The following TTLL4 variants were observed in gnomAD, a reference collection of about 807,000 sequenced individuals.
TTLL4 encodes tubulin monoglutamylase TTLL4.
Under a neutral mutation model 122.7 loss-of-function variants are expected in TTLL4, and 85 were observed. That is an observed-to-expected ratio of 0.69 (90% confidence interval 0.58 to 0.83). TTLL4 has a LOEUF of 0.83. TTLL4 is among the 40% of genes least tolerant of loss of function. The pLI is 0.00. For synonymous variants in TTLL4, 553 were observed against 563.0 expected (o/e 0.98, Z 0.25); for missense variants, 1,363 against 1,488.6 (o/e 0.92, Z 1.39).
intron 2 of TTLL4, among the ~76,000 whole-genome samples, chr2:218,737,239 A>G (rs994746083): frequency 7.2e-5 from 11 of 152,038 alleles, no homozygotes; most frequent in African/African-American, 2.7e-4. Context: ...CCCCTCATGG[A>G]AAGTTGTGGG....
intron 1 of TTLL4, among the ~76,000 whole-genome samples, chr2:218,723,759 C>A (rs1226723513): frequency 6.6e-6 from 1 of 152,104 alleles, no homozygotes; most frequent in African/African-American, 2.4e-5. Context: ...AATAACTGGT[C>A]TGTATTCTTC....
chr2:218,746,962 C>T, intron 8 of TTLL4, 41 bp from the exon 9 acceptor site: 1 of 1,598,268 alleles, frequency 6.3e-7, no homozygotes, highest in Non-Finnish European at 8.5e-7. Context: ...CATGGCCTCA[C>T]CTCTGCCCTC....
intron 1 of TTLL4, among the ~76,000 whole-genome samples, chr2:218,716,637 AAAT>A (rs1941867190): frequency 6.6e-6 from 1 of 152,098 alleles, no homozygotes; most frequent in Non-Finnish European, 1.5e-5. Context: ...AAAATACAAA[AAAT>A]TAGCCGGGCG....
intron 1 of TTLL4, among the ~76,000 whole-genome samples, chr2:218,723,758 T>C (rs2106402084): frequency 6.6e-6 from 1 of 152,290 alleles, no homozygotes; most frequent in East Asian, 1.9e-4. Context: ...GAATAACTGG[T>C]CTGTATTCTT....
At chr2:218,746,810 TG>T in intron 8 of TTLL4, 192 bp from the exon 9 acceptor site, 2 of 611,956 alleles carry the variant, frequency 3.3e-6, no homozygotes, top group Non-Finnish European at 5.7e-6. Flanking sequence ...TACTCTGTTT[TG>T]TCTGTGTTTT....
In TTLL4 at chr2:218,727,287, C is replaced by T. The variant is rs913000562; in HGVS notation, c.-159C>T. 5 of 152,162 alleles carry T rather than the reference C, an allele frequency of 3.3e-5. No homozygotes were observed. Among genetic ancestry groups the T allele is most frequent in the African/African-American group, 1.2e-4 (5 of 41,436 alleles). 9.4% of individuals were successfully genotyped at this position (152,162 alleles called of 1,614,324 possible). A position where few individuals can be genotyped will look rare whatever the true frequency, so the allele number is the denominator to read the frequency against. The stretch of plus-strand genomic sequence containing the variant: ...TTTTCAGATAGACTGTCTTCAAGCT[C>T]ACTGATATTTTCCTCTGCTTGATCC... On this transcript the variant is annotated 5_prime_UTR_variant, in exon 2 of 20. Coordinates refer to ENST00000392102, the MANE Select transcript of TTLL4 (RefSeq NM_014640.5).
At chr2:218,746,081 C>A in intron 7 of TTLL4, 74 bp from the exon 8 acceptor site, 1 of 1,559,996 alleles carries the variant, frequency 6.4e-7, no homozygotes, top group Non-Finnish European at 8.8e-7. Flanking sequence ...CTGCCCAGTT[C>A]TGGGGCCTCT....
chr2:218,732,385 C>T (rs1222876408), intron 2 of TTLL4, among the ~76,000 whole-genome samples: 1 of 152,064 alleles, frequency 6.6e-6, no homozygotes, highest in African/African-American at 2.4e-5. Flanking sequence ...CTTTTGGATC[C>T]TAGAGGCGCA....
intron 2 of TTLL4, among the ~76,000 whole-genome samples, chr2:218,730,688 C>T (rs1942356786): frequency 6.6e-6 from 1 of 152,156 alleles, no homozygotes; most frequent in Admixed American, 6.5e-5. Flanking sequence ...TACTTTTTGG[C>T]AGCACAAAAT....
chr2:218,721,070 CCATCCCTTGCCCT>C (rs1942025798), intron 1 of TTLL4, among the ~76,000 whole-genome samples: 1 of 152,188 alleles, frequency 6.6e-6, no homozygotes, highest in South Asian at 2.1e-4. Context: ...GCCCTTTTCC[CCATCCCTTGCCCT>C]ATGCATCATG....
intron 5 of TTLL4, among the ~76,000 whole-genome samples, chr2:218,743,546 C>T (rs1445362759): frequency 6.6e-6 from 1 of 152,164 alleles, no homozygotes; most frequent in Non-Finnish European, 1.5e-5. Flanking sequence ...AAGTCTTCAT[C>T]TCTCTGGGAT....
intron 14 of TTLL4, 61 bp from the exon 15 acceptor site, chr2:218,749,948 A>T: frequency 1.9e-6 from 3 of 1,589,394 alleles, no homozygotes; most frequent in Non-Finnish European, 2.6e-6. Flanking sequence ...TGAGTTGCAC[A>T]TATGACCAGA....
At chr2:218,723,747 A>G (rs1367791066) in intron 1 of TTLL4, among the ~76,000 whole-genome samples, 1 of 152,226 alleles carries the variant, frequency 6.6e-6, no homozygotes, top group African/African-American at 2.4e-5. Context: ...TTCATTCTTT[A>G]GAATAACTGG....
At chr2:218,729,991 A>G (rs1199165524) in intron 2 of TTLL4, among the ~76,000 whole-genome samples, 3 of 152,048 alleles carry the variant, frequency 2.0e-5, no homozygotes, top group Non-Finnish European at 2.9e-5. Flanking sequence ...TGATCCTTCT[A>G]TTTCATCTTC....
chr2:218,746,089 T>C (rs1942834352), intron 7 of TTLL4, 66 bp from the exon 8 acceptor site: 3 of 1,584,518 alleles, frequency 1.9e-6, no homozygotes, highest in Non-Finnish European at 2.6e-6. Flanking sequence ...TTCTGGGGCC[T>C]CTGGGCCTCT....
intron 14 of TTLL4, 48 bp from the exon 15 acceptor site, chr2:218,749,961 C>A: frequency 6.2e-7 from 1 of 1,601,214 alleles, no homozygotes; most frequent in Non-Finnish European, 8.5e-7. Flanking sequence ...TGACCAGAGA[C>A]TGTTTCGGAG....
intron 1 of TTLL4, among the ~76,000 whole-genome samples, chr2:218,719,061 G>A (rs947111141): frequency 1.3e-5 from 2 of 152,018 alleles, no homozygotes; most frequent in Admixed American, 6.5e-5. Flanking sequence ...TAACAGTTTT[G>A]TGGAGGTATA....
At chr2:218,725,323 G>A (rs1436965596) in intron 1 of TTLL4, among the ~76,000 whole-genome samples, 3 of 151,960 alleles carry the variant, frequency 2.0e-5, no homozygotes, top group Non-Finnish European at 2.9e-5. Context: ...GGGCTCAAGC[G>A]CTTTTCCTAC....
rs1254334966 is a variant in TTLL4, at chr2:218,751,778, A to G, written c.2948A>G (p.Tyr983Cys). The G allele has an allele frequency of 1.1e-5, 17 of 1,612,652 alleles. No individual in the cohort carries two copies. The highest frequency in any genetic ancestry group is 1.7e-5 in the Admixed American group (1 of 59,924). The change falls in exon 16 of 20, where the codon TAT becomes TGT. Residue 983 changes from tyrosine to cysteine, a missense_variant. Transcript: ENST00000392102. ...ACTGCACAGAAGATGAAGAAAGCCT[A>G]TTATCTGACCCAGAAAATTCCTGAT... ...HVTAQKMKKAYYLTQKIPDQD... is the reference protein window; with the variant it reads ...HVTAQKMKKACYLTQKIPDQD...
Sources: gnomAD v4.1 joint callset for allele counts (sites outside exome capture counted in the v4.1 genomes callset) on GRCh38, gnomAD v4.1.1 for gene constraint, MANE v1.5 for transcripts, NCBI Gene and HGNC (gene_info 2026-07-23, HGNC 2026-07-21) for gene names.